The following ANO5 variants were observed in gnomAD, a reference collection of about 807,000 sequenced individuals.
The protein encoded by ANO5 is anoctamin 5.
ANO5 carries 109 observed loss-of-function variants against 121.0 expected under a neutral mutation model. That is an observed-to-expected ratio of 0.90 (90% CI 0.77 to 1.06). The LOEUF is 1.06. Among genes scored for constraint, ANO5 ranks in the 50% least tolerant of loss-of-function variants. The probability of loss-of-function intolerance (pLI) is 0.00; values close to 1 mark genes in which losing one functional copy is unlikely to be tolerated. For synonymous variants in ANO5, 406 were observed against 359.9 expected (o/e 1.13, Z -1.45); for missense variants, 1,064 against 1,078.5 (o/e 0.99, Z 0.19).
In ANO5 at chr11:22,262,224, G is replaced by A. The variant is rs1018504220; in HGVS notation, c.1726G>A (p.Ala576Thr). The change falls in exon 16 of 22, where the codon GCT (alanine) becomes ACT (threonine). Residue 576 changes from alanine to threonine, a missense_variant. Coordinates refer to ENST00000324559, the MANE Select transcript of ANO5 (RefSeq NM_213599.3). Reference sequence around the variant, plus strand: ...TTTTTACTCATCCTGCTTCTACGTAGCTTTCTTTAAAGGGAAGTTCGTAGG... The same window carrying A: ...TTTTTACTCATCCTGCTTCTACGTAACTTTCTTTAAAGGGAAGTTCGTAGG... ...VNFYSSCFYV[A>T]FFKGKFVGYP... is the part of the protein sequence containing the mutation. The A allele has an allele frequency of 5.0e-6, 8 of 1,613,700 alleles. No individual in the cohort carries two copies. Among genetic ancestry groups the A allele is most frequent in the Non-Finnish European group, 6.8e-6 (8 of 1,179,912 alleles).
At chr11:22,257,621 T>C in intron 13 of ANO5, 59 bp from the exon 14 acceptor site, 2 of 1,375,722 alleles carry the variant, frequency 1.5e-6, no homozygotes, top group East Asian at 2.3e-5. Context: ...GACTAGTGCT[T>C]GGAGTCTTGA....
At chr11:22,219,665 G>T (rs575637390) in intron 4 of ANO5, among the ~76,000 whole-genome samples, 2 of 152,074 alleles carry the variant, frequency 1.3e-5, no homozygotes, top group African/African-American at 4.8e-5. Flanking sequence ...CTAACGCTGT[G>T]ATGATTTATA....
chr11:22,241,961 C>G (rs1166191012), intron 9 of ANO5, among the ~76,000 whole-genome samples: 1 of 151,872 alleles, frequency 6.6e-6, no homozygotes, highest in Non-Finnish European at 1.5e-5. Context: ...AATTATTTAC[C>G]CAGGCCGATG....
chr11:22,215,563 A>G (rs540013192), intron 3 of ANO5, among the ~76,000 whole-genome samples: 1 of 152,104 alleles, frequency 6.6e-6, no homozygotes, highest in Non-Finnish European at 1.5e-5. Flanking sequence ...CTCAAGATTA[A>G]TATGTCCAAA....
At chr11:22,193,554 T>C (rs761054425) in intron 1 of ANO5, 22 bp downstream of exon 1, 14 of 1,610,448 alleles carry the variant, frequency 8.7e-6, no homozygotes, top group African/African-American at 2.7e-5. Context: ...CCAAGAGGCG[T>C]CAAGGGAGAG....
Position 22,221,107 on chromosome 11 carries a change from A to T in ANO5, c.191A>T (p.Asn64Ile). 1 of 1,611,328 alleles carries T rather than the reference A, an allele frequency of 6.2e-7. No homozygotes were observed. The highest frequency in any genetic ancestry group is 1.1e-5 in the South Asian group (1 of 91,002). ...FLRRRLMFQK[N>I]QQSKDSIFFR... ...TTATGTCTCCTGCAGTTTCAAAAAAATCAGCAAAGCAAAGATTCTATCTTC... is the reference window on the plus strand; with the variant it reads ...TTATGTCTCCTGCAGTTTCAAAAAATTCAGCAAAGCAAAGATTCTATCTTC... Residue 64 changes from asparagine to isoleucine, a missense_variant, in exon 5 of 22, where the codon AAT (asparagine) becomes ATT (isoleucine). Coordinates refer to ENST00000324559, the MANE Select transcript of ANO5 (RefSeq NM_213599.3).
In ANO5 at chr11:22,270,198, A is replaced by T. The variant is rs1015556956; in HGVS notation, c.1899-114A>T. ...TGGTGTCATTTCTCTTTGCTCTGTG[A>T]TCTTAAGTTATTTAATCTCTAATTT... On this transcript the variant is annotated intron_variant, in intron 17 of 21. Transcript: ENST00000324559. 6 of 1,361,140 alleles carry T rather than the reference A, an allele frequency of 4.4e-6. No individual in the cohort carries two copies. The Admixed American group carries it at 5.9e-5, about 13-fold the overall frequency. The allele number at this position is 1,361,140 out of a possible 1,614,324, so 84.3% of individuals were successfully genotyped here.
chr11:22,236,836 G>T (rs1209611007), intron 8 of ANO5, among the ~76,000 whole-genome samples: 1 of 152,204 alleles, frequency 6.6e-6, no homozygotes, highest in Non-Finnish European at 1.5e-5. Flanking sequence ...TGCTTCAGGT[G>T]TTATGACAAC....
At chr11:22,269,296 AAAG>A (rs1431003200) in intron 17 of ANO5, among the ~76,000 whole-genome samples, 2 of 50,444 alleles carry the variant, frequency 4.0e-5, no homozygotes, top group African/African-American at 1.1e-4. Context: ...GGGAAGAAGG[AAAG>A]AAGAAAGGAA....
At chr11:22,193,769 C>G (rs1026945491) in intron 1 of ANO5, among the ~76,000 whole-genome samples, 1 of 152,176 alleles carries the variant, frequency 6.6e-6, no homozygotes, top group Non-Finnish European at 1.5e-5. Flanking sequence ...GCGCCAGGGA[C>G]CTGCGACCTG....
chr11:22,269,358 A>G lies in ANO5; in HGVS notation c.1899-954A>G, dbSNP rs144765112. Among the ~76,000 whole-genome samples, 120 of 141,824 alleles carry G rather than the reference A, an allele frequency of 8.5e-4. 1 individual carries two copies. The highest frequency in any genetic ancestry group is 3.1e-3 in the African/African-American group (114 of 36,338). 93.0% of individuals were successfully genotyped at this position (141,824 alleles called of 152,430 possible). On this transcript the variant is annotated intron_variant, in intron 17 of 21. Transcript: ENST00000324559. ...GAGAAGGAAAAGGGAAGGGAAGGGA[A>G]GAGAAGGGAAAGGAAGAAGGAAAGA...
intron 9 of ANO5, among the ~76,000 whole-genome samples, chr11:22,248,445 T>C (rs1590280211): frequency 6.6e-6 from 1 of 152,200 alleles, no homozygotes; most frequent in African/African-American, 2.4e-5. Context: ...CAAGATAGTT[T>C]AAATTAAATA....
At chr11:22,263,286 A>G (rs1342438419) in intron 17 of ANO5, among the ~76,000 whole-genome samples, 1 of 152,150 alleles carries the variant, frequency 6.6e-6, no homozygotes, top group African/African-American at 2.4e-5. Flanking sequence ...TTGACAAATA[A>G]TAATTATCTA....
intron 1 of ANO5, among the ~76,000 whole-genome samples, chr11:22,196,523 C>T (rs1222829938): frequency 2.1e-5 from 3 of 139,726 alleles, no homozygotes; most frequent in East Asian, 4.1e-4. Flanking sequence ...TTTTAATGAA[C>T]ATTCCAGTGG....
intron 21 of ANO5, among the ~76,000 whole-genome samples, chr11:22,279,149 T>C (rs998160487): frequency 6.6e-6 from 1 of 151,920 alleles, no homozygotes; most frequent in Non-Finnish European, 1.5e-5. Flanking sequence ...TCCTGAACTT[T>C]TGTGACCATC....
intron 1 of ANO5, among the ~76,000 whole-genome samples, chr11:22,199,810 G>C (rs1247971020): frequency 1.3e-5 from 2 of 152,030 alleles, no homozygotes; most frequent in East Asian, 3.9e-4. Flanking sequence ...TAGTTGAAAA[G>C]GGAGGATAAT....
Position 22,281,608 on chromosome 11 carries a change from C to G in ANO5, c.*1843C>G, listed in dbSNP as rs986581237. ...TCAGATTCTCCATTGCTATAGTGTA[C>G]AGTGCACACAGCTCATATTGCTTCC... On this transcript the variant is annotated 3_prime_UTR_variant, in exon 22 of 22. Coordinates refer to ENST00000324559, the MANE Select transcript of ANO5 (RefSeq NM_213599.3). 4 of 151,810 alleles carry G rather than the reference C, an allele frequency of 2.6e-5. No individual in the cohort carries two copies. The highest frequency in any genetic ancestry group is 4.8e-5 in the African/African-American group (2 of 41,374). 9.4% of individuals were successfully genotyped at this position (151,810 alleles called of 1,614,324 possible).
In ANO5 at chr11:22,250,347, T is replaced by C. The variant is rs373814281; in HGVS notation, c.989T>C (p.Leu330Ser). Reference protein sequence around the residue: ...VGLACFIYGLLSMEHNTSSTE... With the variant: ...VGLACFIYGLSSMEHNTSSTE... Reference sequence around the variant, plus strand: ...TTAGCTTGTTTTATTTATGGCTTATTATCAATGGAACATAACACAAGCAGG... The same window carrying C: ...TTAGCTTGTTTTATTTATGGCTTATCATCAATGGAACATAACACAAGCAGG... Residue 330 changes from leucine to serine, a missense_variant, in exon 10 of 22, where the codon TTA becomes TCA. Physicochemically the swap from Leu to Ser is moderately radical, Grantham distance 145. Coordinates refer to ENST00000324559, the MANE Select transcript of ANO5 (RefSeq NM_213599.3). 6.2e-7 allele frequency: 1 copy of C among 1,613,440 alleles called. No homozygotes were observed. The highest frequency in any genetic ancestry group is 1.3e-5 in the African/African-American group (1 of 74,878).
At chr11:22,208,677 A>G (rs1252555969) in intron 2 of ANO5, among the ~76,000 whole-genome samples, 1 of 152,002 alleles carries the variant, frequency 6.6e-6, no homozygotes, top group Non-Finnish European at 1.5e-5. Flanking sequence ...TACTCATGTC[A>G]GCTTCCTGAT....
Sources: allele counts gnomAD v4.1 joint callset (sites outside exome capture counted in the v4.1 genomes callset), GRCh38; gene constraint gnomAD v4.1.1; transcripts MANE v1.5; gene names NCBI Gene and HGNC (gene_info 2026-07-23, HGNC 2026-07-21).